Variants in ANXA8 observed in about 807,000 individuals in gnomAD.
ANXA8 encodes annexin A8, also known as VAC-beta.
Under a neutral mutation model 26.8 loss-of-function variants are expected in ANXA8, and 9 were observed. The ratio of observed to expected loss-of-function variants is 0.34; its 90% CI spans 0.20 to 0.59. The LOEUF (loss-of-function observed/expected upper bound fraction) is 0.59. Ranked by LOEUF, ANXA8 falls within the 20% of genes least tolerant of loss-of-function variation. The pLI, the probability that ANXA8 is intolerant of heterozygous loss-of-function variation, is 0.84. For missense variants in ANXA8, 83 were observed against 238.5 expected (o/e 0.35, Z 4.29); for synonymous variants, 39 against 94.8 (o/e 0.41, Z 3.42).
At chr10:47,576,682 G>A in the ANXA8 span, among the ~76,000 whole-genome samples, 1 of 150,738 alleles carries the variant, frequency 6.6e-6, no homozygotes, top group Admixed American at 6.6e-5. Context: ...ACTAAGCACA[G>A]CTAATTTCTG....
chr10:47,981,237 C>T, the ANXA8 span, among the ~76,000 whole-genome samples: 1 of 150,758 alleles, frequency 6.6e-6, no homozygotes, highest in Admixed American at 6.6e-5. Context: ...AAACATTTGA[C>T]AAAATCAATA....
the ANXA8 span, among the ~76,000 whole-genome samples, chr10:47,960,243 C>A: frequency 6.8e-6 from 1 of 147,110 alleles, no homozygotes; most frequent in Non-Finnish European, 1.5e-5. Flanking sequence ...AAGGTCCTTG[C>A]ATAAATGTGT....
At chr10:47,521,724 C>T in the ANXA8 span, among the ~76,000 whole-genome samples, 2 of 150,954 alleles carry the variant, frequency 1.3e-5, no homozygotes, top group Non-Finnish European at 2.9e-5. Context: ...TTTCTGTTTT[C>T]TACCGGCTCC....
At chr10:47,928,743 TC>T in the ANXA8 span, among the ~76,000 whole-genome samples, 3 of 37,406 alleles carry the variant, frequency 8.0e-5, no homozygotes, top group African/African-American at 1.3e-4. Context: ...CCTCTTTCTC[TC>T]TCTCTCTTTT....
At chr10:47,617,993 T>G in the ANXA8 span, among the ~76,000 whole-genome samples, 3 of 113,120 alleles carry the variant, frequency 2.7e-5, no homozygotes, top group Admixed American at 2.8e-4. Flanking sequence ...GCATTTTGAC[T>G]GGGGAGAAAA....
the ANXA8 span, among the ~76,000 whole-genome samples, chr10:47,603,515 CTT>C: frequency 6.7e-5 from 9 of 133,812 alleles, no homozygotes; most frequent in Admixed American, 7.2e-5. Context: ...AATGTTCTTA[CTT>C]TTTTTTTTTT....
the ANXA8 span, among the ~76,000 whole-genome samples, chr10:47,689,420 C>A: frequency 6.6e-6 from 1 of 151,906 alleles, no homozygotes. Flanking sequence ...TCGTGATCCA[C>A]CTGCCTCGGC....
chr10:47,573,970 C>A, the ANXA8 span, among the ~76,000 whole-genome samples: 1 of 145,306 alleles, frequency 6.9e-6, no homozygotes, highest in Non-Finnish European at 1.5e-5. Flanking sequence ...AGGCCTTGGG[C>A]CCCTGAGTTA....
At chr10:47,475,404 T>C (rs2132404510) in intron 6 of ANXA8, 89 bp downstream of exon 6, 1 of 1,611,708 alleles carries the variant, frequency 6.2e-7, no homozygotes, top group African/African-American at 1.3e-5. Context: ...CTACCCTGAC[T>C]CTTGTGGCGC....
At chr10:47,768,756 G>A in the ANXA8 span, among the ~76,000 whole-genome samples, 10 of 151,826 alleles carry the variant, frequency 6.6e-5, 1 homozygote, top group South Asian at 1.0e-3. Flanking sequence ...GGAGGCAGAC[G>A]GACTGCTGGT....
the ANXA8 span, among the ~76,000 whole-genome samples, chr10:47,907,765 CAAAAAAAA>C: frequency 1.5e-4 from 4 of 27,178 alleles, 2 homozygotes; most frequent in African/African-American, 1.3e-3. Flanking sequence ...GAGACTGTCT[CAAAAAAAA>C]AAAAAAAAGA....
the ANXA8 span, among the ~76,000 whole-genome samples, chr10:47,666,052 G>A: frequency 2.0e-4 from 30 of 151,370 alleles, no homozygotes; most frequent in East Asian, 5.6e-3. Context: ...CTACTGAGTA[G>A]TTTTTAGGTA....
chr10:47,775,873 CT>C, the ANXA8 span, among the ~76,000 whole-genome samples: 1 of 150,896 alleles, frequency 6.6e-6, no homozygotes, highest in Non-Finnish European at 1.5e-5. Context: ...GTGAGTTTTC[CT>C]CTGGCATTAA....
At chr10:47,667,026 C>T in the ANXA8 span, among the ~76,000 whole-genome samples, 1 of 152,012 alleles carries the variant, frequency 6.6e-6, no homozygotes, top group South Asian at 2.1e-4. Context: ...CCTTCACTTA[C>T]TTTGTCAGTT....
At chr10:47,610,247 C>A in the ANXA8 span, among the ~76,000 whole-genome samples, 1 of 146,158 alleles carries the variant, frequency 6.8e-6, no homozygotes, top group East Asian at 1.9e-4. Flanking sequence ...GAAATAATCT[C>A]TGACTTTATA....
At chr10:47,470,227 G>T (rs1252605278) in intron 11 of ANXA8, among the ~76,000 whole-genome samples, 1 of 151,512 alleles carries the variant, frequency 6.6e-6, no homozygotes, top group Non-Finnish European at 1.5e-5. Flanking sequence ...GACATCTGTG[G>T]TCTACACTAA....
the ANXA8 span, among the ~76,000 whole-genome samples, chr10:47,661,270 T>G: frequency 2.3e-5 from 2 of 88,322 alleles, no homozygotes; most frequent in African/African-American, 1.2e-4. Flanking sequence ...GACTAAGCAT[T>G]GGAAAGCTGG....
At chr10:47,761,130 C>A in the ANXA8 span, among the ~76,000 whole-genome samples, 4 of 134,506 alleles carry the variant, frequency 3.0e-5, no homozygotes, top group Non-Finnish European at 3.3e-5. Flanking sequence ...ACACACACAG[C>A]AGTGGGATTT....
At chr10:47,720,185 C>A in the ANXA8 span, 5 of 1,233,796 alleles carry the variant, frequency 4.1e-6, 1 homozygote, top group Admixed American at 1.3e-4. Flanking sequence ...TAAAATTTTC[C>A]CTGAGTGATA....
Sources: gnomAD v4.1 joint callset for allele counts (sites outside exome capture counted in the v4.1 genomes callset) on GRCh38, gnomAD v4.1.1 for gene constraint, MANE v1.5 for transcripts, NCBI Gene and HGNC (gene_info 2026-07-23, HGNC 2026-07-21) for gene names.